GALNTL6: variants seen among roughly 807,000 people sequenced by gnomAD.
GALNTL6 encodes polypeptide N-acetylgalactosaminyltransferase like 6.
In GALNTL6, 46 loss-of-function variants were observed where a neutral mutation model predicts 73.7. The observed-to-expected ratio is 0.62, with a 90% confidence interval of 0.49 to 0.80. The LOEUF (loss-of-function observed/expected upper bound fraction) is 0.80, where lower values mean the gene tolerates loss of function less well. Ranked by LOEUF, GALNTL6 falls within the 30% of genes least tolerant of loss-of-function variation. GALNTL6 has a pLI of 0.00. For missense variants in GALNTL6, 604 were observed against 755.0 expected (o/e 0.80, Z 2.34); for synonymous variants, 259 against 263.7 (o/e 0.98, Z 0.17).
At chr4:172,367,634 GT>G (rs1742616700) in intron 5 of GALNTL6, among the ~76,000 whole-genome samples, 1 of 152,106 alleles carries the variant, frequency 6.6e-6, no homozygotes, top group Non-Finnish European at 1.5e-5. Flanking sequence ...TTCACTTCTA[GT>G]TTTTGGAATA....
rs540243993 is a variant in GALNTL6 at position 172,525,654 on chromosome 4, G to C, written c.553+176965G>C. ...AAGGCAGGAGGACCGTTTGAGCCCAGAAGTTCAAAACTAGCTTGGGCAAAA... is the reference window on the plus strand; with the variant it reads ...AAGGCAGGAGGACCGTTTGAGCCCACAAGTTCAAAACTAGCTTGGGCAAAA... On this transcript the variant is annotated intron_variant, in intron 5 of 12. Transcript: ENST00000506823. 2.6e-5 allele frequency among the ~76,000 whole-genome samples: 4 copies of C among 152,222 alleles called. No individual in the cohort carries two copies. The South Asian group carries it at 8.3e-4, about 32-fold the overall frequency.
chr4:172,083,101 T>C (rs1271318870), intron 2 of GALNTL6, among the ~76,000 whole-genome samples: 1 of 152,214 alleles, frequency 6.6e-6, no homozygotes, highest in African/African-American at 2.4e-5. Context: ...AATCTCATGC[T>C]TCACAACACT....
intron 4 of GALNTL6, among the ~76,000 whole-genome samples, chr4:172,335,000 AGACAGAGTCTCGCTCT>A (rs2111188892): frequency 7.2e-6 from 1 of 139,458 alleles, no homozygotes; most frequent in South Asian, 2.3e-4. Flanking sequence ...TTTTTTTTTG[AGACAGAGTCTCGCTCT>A]GTCGCCCAGG....
At chr4:172,334,251 T>C (rs938643212) in intron 4 of GALNTL6, among the ~76,000 whole-genome samples, 3 of 152,206 alleles carry the variant, frequency 2.0e-5, no homozygotes, top group African/African-American at 7.2e-5. Flanking sequence ...TTTGGTTCTA[T>C]TGAATTTTAG....
intron 4 of GALNTL6, among the ~76,000 whole-genome samples, chr4:172,318,526 C>T (rs933621842): frequency 6.6e-6 from 1 of 151,988 alleles, no homozygotes; most frequent in Non-Finnish European, 1.5e-5. Context: ...CATGGTGAAA[C>T]CCCGTCTCTA....
chr4:172,141,155 A>C (rs1235097957), intron 2 of GALNTL6, among the ~76,000 whole-genome samples: 1 of 152,048 alleles, frequency 6.6e-6, no homozygotes, highest in Admixed American at 6.5e-5. Context: ...CAAGGTATGG[A>C]TGGAAATCCT....
At chr4:171,816,119 A>G (rs1207617711) in intron 2 of GALNTL6, 2 of 152,072 alleles carry the variant, frequency 1.3e-5, no homozygotes, top group East Asian at 1.9e-4. Flanking sequence ...GTAAAACAGG[A>G]TTTTAATAAC....
In GALNTL6 at chr4:172,766,910, T is replaced by C. The variant is rs1738440118; in HGVS notation, c.554-42451T>C. On this transcript the variant is annotated intron_variant, in intron 5 of 12. Coordinates refer to ENST00000506823, the MANE Select transcript of GALNTL6 (RefSeq NM_001034845.3). ...GAGAAGGAATTTATTGGCCATGCCT[T>C]CATCCATATGCATTGGTAGAAGCAC... Among the ~76,000 whole-genome samples, 4 of 152,218 alleles carry C rather than the reference T, an allele frequency of 2.6e-5. No homozygotes were observed. In the South Asian group the frequency reaches 8.3e-4, roughly 32 times the overall value.
At chr4:172,194,231 G>T (rs1462873441) in intron 2 of GALNTL6, among the ~76,000 whole-genome samples, 1 of 152,194 alleles carries the variant, frequency 6.6e-6, no homozygotes, top group Non-Finnish European at 1.5e-5. Flanking sequence ...ATGTAGGAAA[G>T]AATCTCAGAG....
chr4:172,296,480 T>C (rs940483637), intron 3 of GALNTL6, among the ~76,000 whole-genome samples: 2 of 152,192 alleles, frequency 1.3e-5, no homozygotes, highest in Non-Finnish European at 2.9e-5. Flanking sequence ...TCATTTAACA[T>C]TAGGTATATC....
At chr4:172,701,783 T>C (rs1205120218) in intron 5 of GALNTL6, among the ~76,000 whole-genome samples, 1 of 152,068 alleles carries the variant, frequency 6.6e-6, no homozygotes, top group African/African-American at 2.4e-5. Context: ...ATGGTAAGGC[T>C]CTAATTATCT....
chr4:171,995,531 A>G (rs1194984773), intron 2 of GALNTL6, among the ~76,000 whole-genome samples: 2 of 152,056 alleles, frequency 1.3e-5, no homozygotes, highest in Non-Finnish European at 2.9e-5. Flanking sequence ...ATCTGAAAAG[A>G]TATTTAATAT....
intron 2 of GALNTL6, among the ~76,000 whole-genome samples, chr4:172,105,945 A>G (rs139696627): frequency 1.3e-5 from 2 of 152,328 alleles, no homozygotes; most frequent in East Asian, 3.9e-4. Flanking sequence ...TGAAAACATT[A>G]TAATATGGAA....
intron 9 of GALNTL6, among the ~76,000 whole-genome samples, chr4:172,944,257 A>C (rs1749051436): frequency 6.6e-6 from 1 of 152,254 alleles, no homozygotes; most frequent in African/African-American, 2.4e-5. Context: ...TACATAAAGA[A>C]TTCTCAAATT....
chr4:171,969,115 A>G (rs1249827276), intron 2 of GALNTL6, among the ~76,000 whole-genome samples: 1 of 152,104 alleles, frequency 6.6e-6, no homozygotes, highest in East Asian at 1.9e-4. Context: ...GATTACAGGC[A>G]TGAGCCACCG....
At chr4:172,808,720 C>T (rs1741116829) in intron 5 of GALNTL6, among the ~76,000 whole-genome samples, 1 of 150,852 alleles carries the variant, frequency 6.6e-6, no homozygotes, top group African/African-American at 2.4e-5. Context: ...AGGCAGGAAA[C>T]ATTTCCAAAT....
intron 2 of GALNTL6, among the ~76,000 whole-genome samples, chr4:172,058,575 T>C (rs540957626): frequency 1.5e-4 from 23 of 152,226 alleles, no homozygotes; most frequent in Non-Finnish European, 2.6e-4. Flanking sequence ...TGTGCACACC[T>C]GCATGTTGTT....
chr4:172,509,928 T>C lies in GALNTL6; in HGVS notation c.553+161239T>C, dbSNP rs1446402178. Among the ~76,000 whole-genome samples the C allele has an allele frequency of 3.6e-5, 2 of 54,964 alleles. 1 individual carries two copies. The highest frequency in any genetic ancestry group is 8.4e-5 in the Non-Finnish European group (2 of 23,816). 36.1% of individuals were successfully genotyped at this position (54,964 alleles called of 152,430 possible). Reference sequence around the variant, plus strand: ...AGTCTTGCTTTGGCTATGTGGGCTCTTTTTTGGTTTTATATGAATTTGAGA... The same window carrying C: ...AGTCTTGCTTTGGCTATGTGGGCTCCTTTTTGGTTTTATATGAATTTGAGA... On this transcript the variant is annotated intron_variant, in intron 5 of 12. Coordinates refer to ENST00000506823, the MANE Select transcript of GALNTL6 (RefSeq NM_001034845.3).
At chr4:171,959,586 C>T (rs534692847) in intron 2 of GALNTL6, among the ~76,000 whole-genome samples, 78 of 152,272 alleles carry the variant, frequency 5.1e-4, no homozygotes, top group Admixed American at 7.8e-4. Flanking sequence ...CATAGTGGCA[C>T]ATGTCTGTGG....
Sources: allele counts gnomAD v4.1 joint callset (sites outside exome capture counted in the v4.1 genomes callset), GRCh38; gene constraint gnomAD v4.1.1; transcripts MANE v1.5; gene names NCBI Gene and HGNC (gene_info 2026-07-23, HGNC 2026-07-21).